Variants in MARCHF1 observed in about 807,000 individuals in gnomAD.
MARCHF1 encodes membrane associated ring-CH-type finger 1.
MARCHF1 carries 40 observed loss-of-function variants against 54.2 expected under a neutral mutation model. The observed-to-expected ratio is 0.74, with a 90% CI of 0.57 to 0.96. The LOEUF is 0.96. MARCHF1 is among the 40% of genes least tolerant of loss of function. The probability of loss-of-function intolerance (pLI) is 0.00; values close to 1 mark genes in which losing one functional copy is unlikely to be tolerated. For missense variants in MARCHF1, 586 were observed against 656.5 expected, an observed-to-expected ratio of 0.89 and a Z score of 1.17; for synonymous variants, 236 against 236.3, an observed-to-expected ratio of 1.00 and a Z score of 0.01.
chr4:164,038,721 T>C (rs1472352338), intron 2 of MARCHF1, among the ~76,000 whole-genome samples: 1 of 152,190 alleles, frequency 6.6e-6, no homozygotes, highest in African/African-American at 2.4e-5. Flanking sequence ...GTCTGTCTTG[T>C]ATCCACTTGT....
At chr4:164,000,926 C>T (rs576863948) in intron 2 of MARCHF1, among the ~76,000 whole-genome samples, 123 of 151,518 alleles carry the variant, frequency 8.1e-4, no homozygotes, top group African/African-American at 2.8e-3. Context: ...TTTTAATTAT[C>T]GGTTATGTTT....
intron 4 of MARCHF1, among the ~76,000 whole-genome samples, chr4:163,758,412 A>T (rs566844653): frequency 6.6e-6 from 1 of 152,326 alleles, no homozygotes; most frequent in South Asian, 2.1e-4. Flanking sequence ...AGGACATTCC[A>T]CTATTGTCAG....
At chr4:164,240,566 G>T (rs1433746521) in intron 1 of MARCHF1, among the ~76,000 whole-genome samples, 1 of 151,808 alleles carries the variant, frequency 6.6e-6, no homozygotes, top group Admixed American at 6.6e-5. Flanking sequence ...TGTCCCTTAA[G>T]TCCTTTGAAA....
In MARCHF1 at chr4:164,012,526, T is replaced by TAGC. The variant is rs1026146151; in HGVS notation, c.-247-23820_-247-23818dup. 7.9e-5 allele frequency among the ~76,000 whole-genome samples: 12 copies of TAGC among 152,104 alleles called. No homozygotes were observed. In the East Asian group the frequency reaches 1.5e-3, roughly 20 times the overall value. ...AAAGTGGTCTTGGGCTTTGAGTAAA[T>TAGC]AGCAGCAGCAGCAGCAGCCAGGCAA... On this transcript the variant is annotated intron_variant, in intron 2 of 9. Transcript: ENST00000514618.
chr4:163,548,146 AAC>A (rs1262621290), intron 8 of MARCHF1, among the ~76,000 whole-genome samples: 1 of 152,216 alleles, frequency 6.6e-6, no homozygotes, highest in Non-Finnish European at 1.5e-5. Context: ...TAATCTGAAT[AAC>A]ACATATAATC....
intron 8 of MARCHF1, among the ~76,000 whole-genome samples, chr4:163,554,262 G>A (rs891381584): frequency 6.6e-6 from 1 of 152,226 alleles, no homozygotes; most frequent in Non-Finnish European, 1.5e-5. Flanking sequence ...TTTACAATGT[G>A]AGGAATACGC....
At chr4:163,890,411 A>G (rs2111268200) in intron 3 of MARCHF1, among the ~76,000 whole-genome samples, 1 of 152,150 alleles carries the variant, frequency 6.6e-6, no homozygotes, top group South Asian at 2.1e-4. Context: ...TACTTGAAGG[A>G]CAATAAAATG....
chr4:163,658,244 G>A (rs1021713840), intron 5 of MARCHF1, among the ~76,000 whole-genome samples: 1 of 151,808 alleles, frequency 6.6e-6, no homozygotes, highest in East Asian at 1.9e-4. Flanking sequence ...AGTGGATAAA[G>A]GACATCAACA....
chr4:163,590,037 C>A (rs570377081), intron 7 of MARCHF1, among the ~76,000 whole-genome samples: 5 of 143,228 alleles, frequency 3.5e-5, no homozygotes, highest in Admixed American at 1.5e-4. Flanking sequence ...CGCTATGCAG[C>A]AAATTAAATT....
chr4:164,152,167 TA>T (rs1729960348), intron 1 of MARCHF1, among the ~76,000 whole-genome samples: 2 of 152,144 alleles, frequency 1.3e-5, no homozygotes, highest in Non-Finnish European at 1.5e-5. Flanking sequence ...TATACATACA[TA>T]AAGGATTGTG....
chr4:163,848,459 T>A (rs1161292820), intron 4 of MARCHF1, among the ~76,000 whole-genome samples: 3 of 152,226 alleles, frequency 2.0e-5, no homozygotes, highest in African/African-American at 7.2e-5. Flanking sequence ...TGACATTTTT[T>A]TAATCTTCTT....
At chr4:164,350,972 T>C (rs1420554873) in intron 1 of MARCHF1, among the ~76,000 whole-genome samples, 1 of 151,706 alleles carries the variant, frequency 6.6e-6, no homozygotes, top group African/African-American at 2.4e-5. Flanking sequence ...GGTCAGGGAG[T>C]TCCCTTTCCG....
intron 2 of MARCHF1, among the ~76,000 whole-genome samples, chr4:164,049,066 G>A (rs1754299807): frequency 6.6e-6 from 1 of 152,116 alleles, no homozygotes; most frequent in Non-Finnish European, 1.5e-5. Context: ...TTTTCACACT[G>A]CTATAAAGAT....
At chr4:163,601,878 G>A (rs1432200493) in intron 7 of MARCHF1, among the ~76,000 whole-genome samples, 4 of 151,604 alleles carry the variant, frequency 2.6e-5, no homozygotes, top group African/African-American at 9.7e-5. Flanking sequence ...AGCTAAATTA[G>A]AAAGTAATTT....
At chr4:164,093,622 G>T (rs1560900511) in intron 2 of MARCHF1, among the ~76,000 whole-genome samples, 1 of 152,142 alleles carries the variant, frequency 6.6e-6, no homozygotes, top group Admixed American at 6.6e-5. Context: ...AAATGGAATA[G>T]TGACTCCCTA....
At chr4:164,311,212 T>C (rs1691650346) in intron 1 of MARCHF1, among the ~76,000 whole-genome samples, 1 of 152,132 alleles carries the variant, frequency 6.6e-6, no homozygotes, top group Non-Finnish European at 1.5e-5. Flanking sequence ...GATCTATTGT[T>C]AGGATGATTA....
At chr4:163,879,832 T>C (rs1337989120) in intron 3 of MARCHF1, among the ~76,000 whole-genome samples, 1 of 151,778 alleles carries the variant, frequency 6.6e-6, no homozygotes. Context: ...TGTGTGTGTG[T>C]GTAGCTTTTA....
chr4:164,076,869 A>G (rs570364023), intron 2 of MARCHF1, among the ~76,000 whole-genome samples: 36 of 152,302 alleles, frequency 2.4e-4, no homozygotes, highest in African/African-American at 6.0e-4. Context: ...ATCACTGTTC[A>G]AGGAAATGAG....
intron 2 of MARCHF1, among the ~76,000 whole-genome samples, chr4:164,008,851 A>G (rs557575846): frequency 3.3e-5 from 5 of 152,208 alleles, no homozygotes; most frequent in African/African-American, 1.2e-4. Flanking sequence ...GAGAGATTAT[A>G]GCAAGAAACA....
Sources: gnomAD v4.1 joint callset for allele counts (sites outside exome capture counted in the v4.1 genomes callset) on GRCh38, gnomAD v4.1.1 for gene constraint, MANE v1.5 for transcripts, NCBI Gene and HGNC (gene_info 2026-07-23, HGNC 2026-07-21) for gene names.